TMIE: variants seen among roughly 807,000 people sequenced by gnomAD.
The protein encoded by TMIE is transmembrane inner ear, also known as transmembrane inner ear expressed protein.
In TMIE, 14 loss-of-function variants were observed where a neutral mutation model predicts 16.8. That is an observed-to-expected ratio of 0.83 (90% CI 0.55 to 1.30). The LOEUF (loss-of-function observed/expected upper bound fraction) is 1.30, where lower values mean the gene tolerates loss of function less well. Ranked by LOEUF, TMIE falls within the 50% of genes most tolerant of loss-of-function variation. The pLI, the probability that TMIE is intolerant of heterozygous loss-of-function variation, is 0.00. For synonymous variants in TMIE, 75 were observed against 87.2 expected, an observed-to-expected ratio of 0.86 and a Z score of 0.78; for missense variants, 204 against 205.9, an observed-to-expected ratio of 0.99 and a Z score of 0.06.
At chr3:46,709,045 G>T in intron 2 of TMIE, 81 bp from the exon 3 acceptor site, 2 of 1,579,694 alleles carry the variant, frequency 1.3e-6, no homozygotes, top group Non-Finnish European at 1.7e-6. Flanking sequence ...GTGGATGGGG[G>T]CGGGCCTGAA....
At chr3:46,702,180 G>T (rs1700485840) in intron 1 of TMIE, among the ~76,000 whole-genome samples, 1 of 152,180 alleles carries the variant, frequency 6.6e-6, no homozygotes, top group African/African-American at 2.4e-5. Flanking sequence ...AGAGGGGCAG[G>T]CAGGGCAGGA....
rs1025363248 is a variant in TMIE at position 46,710,651 on chromosome 3, A to G, written c.*963A>G. 3 of 152,148 alleles carry G rather than the reference A, an allele frequency of 2.0e-5. No homozygotes were observed. Among genetic ancestry groups the G allele is most frequent in the African/African-American group, 7.2e-5 (3 of 41,430 alleles). The allele number at this position is 152,148 out of a possible 1,614,324, so 9.4% of individuals were successfully genotyped here. A position where few individuals can be genotyped will look rare whatever the true frequency, so the allele number is the denominator to read the frequency against. On this transcript the variant is annotated 3_prime_UTR_variant, in exon 4 of 4. Transcript: ENST00000643606. The stretch of plus-strand genomic sequence containing the variant: ...CTTCTTTGCAGCTTCCTCTTCTACC[A>G]TTTCCCACTACGGGCACCTAAAAGA...
chr3:46,698,899 T>G (rs2106771438), upstream of TMIE, among the ~76,000 whole-genome samples: 1 of 151,900 alleles, frequency 6.6e-6, no homozygotes, highest in Non-Finnish European at 1.5e-5. Context: ...CTTAGGCTGG[T>G]CTCAAACTCC....
At chr3:46,695,663 A>G (rs1244125246) in intron 1 of TMIE, among the ~76,000 whole-genome samples, 2 of 152,112 alleles carry the variant, frequency 1.3e-5, no homozygotes, top group Admixed American at 6.5e-5. Flanking sequence ...GACAGATCTG[A>G]TCTTATGCTA....
intron 3 of TMIE, 23 bp downstream of exon 3, chr3:46,709,298 C>T (rs777338091): frequency 1.1e-5 from 17 of 1,613,404 alleles, no homozygotes; most frequent in Middle Eastern, 3.3e-4. Flanking sequence ...TGGCTTGAGC[C>T]CTGCTGCGCC....
At chr3:46,699,057 C>CTTTTTTTT (rs1246748003), upstream of TMIE, among the ~76,000 whole-genome samples, 11 of 65,280 alleles carry the variant, frequency 1.7e-4, no homozygotes, top group Non-Finnish European at 2.6e-4. Flanking sequence ...AATGGTGTTT[C>CTTTTTTTT]TTATTTTTTT....
At position 46,710,356 on chromosome 3, in the gene TMIE, C is replaced by T. The variant is rs1700606351; in HGVS notation, c.*668C>T. The T allele has an allele frequency of 6.3e-6, 1 of 159,288 alleles. No individual in the cohort carries two copies. The highest frequency in any genetic ancestry group is 2.4e-5 in the African/African-American group (1 of 41,512). 9.9% of individuals were successfully genotyped at this position (159,288 alleles called of 1,614,324 possible). A position where few individuals can be genotyped will look rare whatever the true frequency, so the allele number is the denominator to read the frequency against. Reference sequence around the variant, plus strand: ...GTTGTGATGAAGCTGAGGCTGCTGCCAGGCCCGGCATGAGGCCCCGAGGCT... The same window carrying T: ...GTTGTGATGAAGCTGAGGCTGCTGCTAGGCCCGGCATGAGGCCCCGAGGCT... On this transcript the variant is annotated 3_prime_UTR_variant, in exon 4 of 4. Transcript: ENST00000643606.
chr3:46,701,690 C>A lies in TMIE; in HGVS notation c.93+110C>A. The A allele has an allele frequency of 2.2e-6, 2 of 893,206 alleles. No homozygotes were observed. Among genetic ancestry groups the A allele is most frequent in the Non-Finnish European group, 3.0e-6 (2 of 675,502 alleles). The allele number at this position is 893,206 out of a possible 1,614,324, so 55.3% of individuals were successfully genotyped here. A position where few individuals can be genotyped will look rare whatever the true frequency, so the allele number is the denominator to read the frequency against. ...AGCTTGTTTGATCCCTTACTCTTGC[C>A]CTGAGAGATCCAGTCTCCCGGGCGA... On this transcript the variant is annotated intron_variant, in intron 1 of 3. Transcript: ENST00000643606. This position sits in a 1 kb window ranked among gnomAD's most constrained non-coding sequence, Gnocchi z 4.3.
Position 46,705,876 on chromosome 3 carries a change from G to T in TMIE, c.180G>T (p.Val60=). 6 of 1,614,108 alleles carry T rather than the reference G, an allele frequency of 3.7e-6. No individual in the cohort carries two copies. Among genetic ancestry groups the T allele is most frequent in the Non-Finnish European group, 5.1e-6 (6 of 1,180,030 alleles). The change falls in exon 2 of 4, where the codon GTG becomes GTT. Residue 60 remains valine (V), a synonymous_variant. Coordinates refer to ENST00000643606, the MANE Select transcript of TMIE (RefSeq NM_147196.3). ...VFWDMRLWHV[V]GIFSLFVLSI... ...GGGACATGCGCCTGTGGCACGTGGT[G>T]GGCATCTTTTCGCTCTTCGTGTTGT...
chr3:46,705,225 C>T (rs1220983919), intron 1 of TMIE, among the ~76,000 whole-genome samples: 1 of 152,188 alleles, frequency 6.6e-6, no homozygotes, highest in South Asian at 2.1e-4. Context: ...TTTATTTATC[C>T]AGTGCCTGTC....
chr3:46,701,506 G>C lies in TMIE; in HGVS notation c.19G>C (p.Ala7Pro), dbSNP rs1226551156. The part of the protein sequence containing the change: MAGWPG[A>P]GPLCVLGGAA... ...CACGAAGATGGCGGGGTGGCCGGGC[G>C]CGGGTCCCCTCTGCGTGCTGGGCGG... The change falls in exon 1 of 4, where the codon GCG (alanine) becomes CCG (proline). Residue 7 changes from alanine to proline, a missense_variant. Coordinates refer to ENST00000643606, the MANE Select transcript of TMIE (RefSeq NM_147196.3). The surrounding 1 kb of genome is among the most constrained non-coding windows in gnomAD (Gnocchi z 4.3). 5 of 1,342,400 alleles carry C rather than the reference G, an allele frequency of 3.7e-6. No homozygotes were observed. Among genetic ancestry groups the C allele is most frequent in the Non-Finnish European group, 4.8e-6 (5 of 1,051,110 alleles). 83.2% of individuals were successfully genotyped at this position (1,342,400 alleles called of 1,614,324 possible).
In TMIE at chr3:46,705,916, C is replaced by G. The variant is rs1193105184; in HGVS notation, c.211+9C>G. Reference sequence around the variant, plus strand: ...CTTCGTGTTGTCCATCAGTGAGTAGCTGTTCCCTTCCCTCTCCACCACACT... The same window carrying G: ...CTTCGTGTTGTCCATCAGTGAGTAGGTGTTCCCTTCCCTCTCCACCACACT... On this transcript the variant is annotated intron_variant, in intron 2 of 3. Transcript: ENST00000643606. 1 of 1,612,360 alleles carries G rather than the reference C, an allele frequency of 6.2e-7. No homozygotes were observed. Among genetic ancestry groups the G allele is most frequent in the Admixed American group, 1.7e-5 (1 of 60,022 alleles).
At chr3:46,703,924 A>C (rs1386625012) in intron 1 of TMIE, among the ~76,000 whole-genome samples, 1 of 152,170 alleles carries the variant, frequency 6.6e-6, no homozygotes, top group African/African-American at 2.4e-5. Context: ...ATCAGTGCAC[A>C]ACATCTCGCT....
chr3:46,710,503 A>C lies in TMIE; in HGVS notation c.*815A>C, dbSNP rs553235525. 6.5e-6 allele frequency: 1 copy of C among 152,696 alleles called. No homozygotes were observed. The highest frequency in any genetic ancestry group is 1.5e-5 in the Non-Finnish European group (1 of 68,340). 9.5% of individuals were successfully genotyped at this position (152,696 alleles called of 1,614,324 possible). ...TCCTCTTGGGAATCAGAGTATATTTAAGAAGCCAAGGGGGACCTCGGGCTG... is the reference window on the plus strand; with the variant it reads ...TCCTCTTGGGAATCAGAGTATATTTCAGAAGCCAAGGGGGACCTCGGGCTG... On this transcript the variant is annotated 3_prime_UTR_variant, in exon 4 of 4. Coordinates refer to ENST00000643606, the MANE Select transcript of TMIE (RefSeq NM_147196.3).
chr3:46,696,140 C>T (rs1700410237), intron 1 of TMIE, among the ~76,000 whole-genome samples: 1 of 152,198 alleles, frequency 6.6e-6, no homozygotes, highest in African/African-American at 2.4e-5. Flanking sequence ...ATGGGTGGGT[C>T]CCTGTGCCAC....
At chr3:46,704,371 T>A (rs1700517893) in intron 1 of TMIE, among the ~76,000 whole-genome samples, 1 of 142,416 alleles carries the variant, frequency 7.0e-6, no homozygotes, top group African/African-American at 2.7e-5. Flanking sequence ...GTGGACCATG[T>A]CCCTAGACAC....
At chr3:46,703,430 C>T (rs1700502167) in intron 1 of TMIE, among the ~76,000 whole-genome samples, 1 of 152,134 alleles carries the variant, frequency 6.6e-6, no homozygotes, top group African/African-American at 2.4e-5. Context: ...TACAACCAGC[C>T]GGGCCAACAC....
Position 46,701,721 on chromosome 3 carries a change from C to G in TMIE, c.93+141C>G. The G allele has an allele frequency of 1.5e-6, 1 of 686,482 alleles. No individual in the cohort carries two copies. Among genetic ancestry groups the G allele is most frequent in the Non-Finnish European group, 2.0e-6 (1 of 487,952 alleles). 42.5% of individuals were successfully genotyped at this position (686,482 alleles called of 1,614,324 possible). On this transcript the variant is annotated intron_variant, in intron 1 of 3. Transcript: ENST00000643606. This position sits in a 1 kb window ranked among gnomAD's most constrained non-coding sequence, Gnocchi z 4.3. Reference sequence around the variant, plus strand: ...AGATCCAGTCTCCCGGGCGATGCAGCCCTGCCCCAAGCCCTGCCAGGCTGT... The same window carrying G: ...AGATCCAGTCTCCCGGGCGATGCAGGCCTGCCCCAAGCCCTGCCAGGCTGT...
At chr3:46,694,027 C>A (rs1700334187), upstream of TMIE, among the ~76,000 whole-genome samples, 2 of 152,182 alleles carry the variant, frequency 1.3e-5, no homozygotes, top group Non-Finnish European at 2.9e-5. Context: ...GCCGCCGTGC[C>A]ACCACCTCGC....
Sources: gnomAD v4.1 joint callset for allele counts (sites outside exome capture counted in the v4.1 genomes callset) on GRCh38, gnomAD v4.1.1 for gene constraint, Gnocchi (gnomAD v3.1) non-coding constraint, MANE v1.5 for transcripts, NCBI Gene and HGNC (gene_info 2026-07-23, HGNC 2026-07-21) for gene names.